KMT5B: variants seen among roughly 807,000 people sequenced by gnomAD.
KMT5B encodes histone-lysine N-methyltransferase KMT5B.
A neutral mutation model predicts 83.2 loss-of-function variants in KMT5B; 10 were observed. The observed-to-expected ratio is 0.12, with a 90% CI of 0.07 to 0.20. The LOEUF is 0.20. Among genes scored for constraint, KMT5B ranks in the 10% least tolerant of loss-of-function variants. The pLI, the probability that KMT5B is intolerant of heterozygous loss-of-function variation, is 1.00. For missense variants in KMT5B, 753 were observed against 1,067.2 expected (o/e 0.71, Z 4.10); for synonymous variants, 349 against 388.8 (o/e 0.90, Z 1.20).
intron 4 of KMT5B, among the ~76,000 whole-genome samples, chr11:68,176,897 A>G (rs1381911392): frequency 6.6e-6 from 1 of 152,192 alleles, no homozygotes; most frequent in Non-Finnish European, 1.5e-5. Flanking sequence ...TATGTGTCTT[A>G]CTCTGACATT....
rs189298673 is a variant in KMT5B, at chr11:68,161,121, G to C, written c.1175-1950C>G. 1.5e-3 allele frequency among the ~76,000 whole-genome samples: 233 copies of C among 152,230 alleles called. 1 individual carries two copies. The highest frequency in any genetic ancestry group is 5.2e-3 in the African/African-American group (216 of 41,536). ...CTCTTTTTAGAATAGTAGGAGTAGT[G>C]AACTTTGAATGTGATTCAATTTGAG... On this transcript the variant is annotated intron_variant, in intron 10 of 10. Transcript: ENST00000304363.
At chr11:68,195,841 G>A (rs1379032426) in intron 1 of KMT5B, among the ~76,000 whole-genome samples, 1 of 152,172 alleles carries the variant, frequency 6.6e-6, no homozygotes, top group Admixed American at 6.6e-5. Context: ...GTGTAAATGT[G>A]TGTATACTTG....
chr11:68,185,770 C>T lies in KMT5B; in HGVS notation c.308+11G>A, dbSNP rs1259036889. ...TCATCTGTTCCATTCAGGATAAAGA[C>T]TGAAAATTACCTAGTATTCATTTTG... On this transcript the variant is annotated intron_variant, in intron 3 of 10. Coordinates refer to ENST00000304363, the MANE Select transcript of KMT5B (RefSeq NM_017635.5). 1 of 1,610,500 alleles carries T rather than the reference C, an allele frequency of 6.2e-7. No individual in the cohort carries two copies. The highest frequency in any genetic ancestry group is 8.5e-7 in the Non-Finnish European group (1 of 1,177,822).
chr11:68,166,485 T>A, intron 10 of KMT5B: 1 of 1,002,460 alleles, frequency 1.0e-6, no homozygotes, highest in Non-Finnish European at 1.2e-6. Flanking sequence ...GTACTGGTGG[T>A]CTGCTGAACT....
At chr11:68,198,209 C>A (rs565559111) in intron 1 of KMT5B, among the ~76,000 whole-genome samples, 9 of 152,130 alleles carry the variant, frequency 5.9e-5, no homozygotes, top group Non-Finnish European at 8.8e-5. Flanking sequence ...CAAGGTGAAA[C>A]CCCATCCCTG....
At chr11:68,212,537 T>C (rs1861043374) in intron 1 of KMT5B, 1 of 152,298 alleles carries the variant, frequency 6.6e-6, no homozygotes, top group South Asian at 2.1e-4. Flanking sequence ...TTGTTCCTCC[T>C]TCCAAGGCGG....
intron 10 of KMT5B, among the ~76,000 whole-genome samples, chr11:68,164,109 T>C (rs1290130538): frequency 1.3e-5 from 2 of 152,192 alleles, no homozygotes; most frequent in Admixed American, 1.3e-4. Context: ...GTCCTGGCAT[T>C]CTAATTCAGA....
intron 2 of KMT5B, 177 bp downstream of exon 2, chr11:68,189,740 T>C (rs1001551793): frequency 5.1e-5 from 25 of 491,110 alleles, no homozygotes; most frequent in East Asian, 4.4e-4. Context: ...TTGAGTTTTA[T>C]ATAGTTTGAT....
rs563386389 is a variant in KMT5B at position 68,156,786 on chromosome 11, G to C, written c.*902C>G. The C allele has an allele frequency of 2.6e-5, 4 of 152,672 alleles. No individual in the cohort carries two copies. The East Asian group carries it at 5.8e-4, about 22-fold the overall frequency. 9.5% of individuals were successfully genotyped at this position (152,672 alleles called of 1,614,324 possible). A position where few individuals can be genotyped will look rare whatever the true frequency, so the allele number is the denominator to read the frequency against. ...AAACTATTATAAGTTAAAGTGAATA[G>C]ATTTTTTTAATATTCCTTGTAGCAT... On this transcript the variant is annotated 3_prime_UTR_variant, in exon 11 of 11. Coordinates refer to ENST00000304363, the MANE Select transcript of KMT5B (RefSeq NM_017635.5).
intron 6 of KMT5B, among the ~76,000 whole-genome samples, chr11:68,172,624 GTGT>G (rs1267186340): frequency 5.9e-5 from 9 of 152,132 alleles, no homozygotes; most frequent in African/African-American, 9.7e-5. Flanking sequence ...GAAATCTGGT[GTGT>G]ATAGCACACT....
At chr11:68,159,988 C>T (rs937215155) in intron 10 of KMT5B, among the ~76,000 whole-genome samples, 2 of 152,178 alleles carry the variant, frequency 1.3e-5, no homozygotes, top group Non-Finnish European at 2.9e-5. Flanking sequence ...AAAAGGGTTA[C>T]AATGACCCTA....
chr11:68,213,536 C>T (rs1861275499), upstream of KMT5B: 2 of 151,904 alleles, frequency 1.3e-5, no homozygotes, highest in South Asian at 1.8e-4. Flanking sequence ...ACTCCGCGTC[C>T]CAGGTCCGTG....
At chr11:68,201,355 T>C (rs1210329594) in intron 1 of KMT5B, among the ~76,000 whole-genome samples, 6 of 152,244 alleles carry the variant, frequency 3.9e-5, no homozygotes, top group Admixed American at 1.3e-4. Flanking sequence ...GAAAGCAGCA[T>C]TGATTCATAG....
At chr11:68,166,334 T>A (rs1202933069) in intron 10 of KMT5B, 1 of 1,048,408 alleles carries the variant, frequency 9.5e-7, no homozygotes, top group Admixed American at 5.1e-5. Flanking sequence ...TTCCATCAGA[T>A]CTTGCCCCCA....
intron 3 of KMT5B, among the ~76,000 whole-genome samples, chr11:68,183,357 C>T (rs940038335): frequency 2.6e-5 from 4 of 151,940 alleles, no homozygotes; most frequent in African/African-American, 7.2e-5. Context: ...TAAAATAATG[C>T]AAATTAGTTT....
intron 10 of KMT5B, among the ~76,000 whole-genome samples, chr11:68,162,144 C>G (rs944751647): frequency 8.5e-5 from 13 of 152,312 alleles, no homozygotes; most frequent in Middle Eastern, 3.4e-3. Context: ...TTCCCTGTCT[C>G]GAAAGCCACA....
Position 68,154,933 on chromosome 11 carries a change from A to C in KMT5B, c.*2755T>G, listed in dbSNP as rs948961354. ...CAAGTGCATGTACAAAATATTTGTAAAAAATGTTTTTAATGAAACGTTAAA... is the reference window on the plus strand; with the variant it reads ...CAAGTGCATGTACAAAATATTTGTACAAAATGTTTTTAATGAAACGTTAAA... On this transcript the variant is annotated 3_prime_UTR_variant, in exon 11 of 11. Coordinates refer to ENST00000304363, the MANE Select transcript of KMT5B (RefSeq NM_017635.5). 2 of 152,228 alleles carry C rather than the reference A, an allele frequency of 1.3e-5. No homozygotes were observed. The highest frequency in any genetic ancestry group is 2.9e-5 in the Non-Finnish European group (2 of 68,040). The allele number at this position is 152,228 out of a possible 1,614,324, so 9.4% of individuals were successfully genotyped here.
intron 1 of KMT5B, among the ~76,000 whole-genome samples, chr11:68,200,302 C>G (rs1371915200): frequency 1.3e-5 from 2 of 152,136 alleles, no homozygotes; most frequent in Non-Finnish European, 2.9e-5. Flanking sequence ...AAGTGAGAAG[C>G]AGAGCCAGGC....
Position 68,166,989 on chromosome 11 carries a change from GTTT to G in KMT5B, c.1164_1166del (p.Lys388del). ...CAAATCTCCCTTACTTACTTGCATT[GTTT>G]TTTTCCTGAGTGGTATCTGCATCAG... On this transcript the variant is annotated inframe_deletion, in exon 10 of 11. Coordinates refer to ENST00000304363, the MANE Select transcript of KMT5B (RefSeq NM_017635.5). The G allele has an allele frequency of 6.2e-7, 1 of 1,613,912 alleles. No individual in the cohort carries two copies. Among genetic ancestry groups the G allele is most frequent in the Non-Finnish European group, 8.5e-7 (1 of 1,179,896 alleles).
Sources: allele counts gnomAD v4.1 joint callset (sites outside exome capture counted in the v4.1 genomes callset), GRCh38; gene constraint gnomAD v4.1.1; transcripts MANE v1.5; gene names NCBI Gene and HGNC (gene_info 2026-07-23, HGNC 2026-07-21).